Variants in CACHD1 observed in about 807,000 individuals in gnomAD.
CACHD1 encodes the protein VWFA and cache domain-containing protein 1.
A neutral mutation model predicts 138.7 loss-of-function variants in CACHD1; 71 were observed. The observed-to-expected ratio is 0.51, with a 90% confidence interval of 0.42 to 0.62. The LOEUF (loss-of-function observed/expected upper bound fraction) is 0.62. Ranked by LOEUF, CACHD1 falls within the 20% of genes least tolerant of loss-of-function variation. CACHD1 has a pLI of 0.00. For missense variants in CACHD1, 1,389 were observed against 1,625.3 expected, an observed-to-expected ratio of 0.85 and a Z score of 2.50; for synonymous variants, 578 against 591.5, an observed-to-expected ratio of 0.98 and a Z score of 0.33.
chr1:64,661,595 T>C (rs746004501), intron 13 of CACHD1, among the ~76,000 whole-genome samples: 1 of 152,180 alleles, frequency 6.6e-6, no homozygotes, highest in African/African-American at 2.4e-5. Flanking sequence ...TTTCTCTATT[T>C]TCCTTATTCC....
chr1:64,579,858 G>C (rs1162954002), intron 2 of CACHD1: 2 of 153,678 alleles, frequency 1.3e-5, no homozygotes, highest in African/African-American at 4.8e-5. Context: ...TTTAACATCT[G>C]GCTATCTCAC....
At chr1:64,657,294 A>G (rs1225935472) in intron 12 of CACHD1, among the ~76,000 whole-genome samples, 2 of 152,312 alleles carry the variant, frequency 1.3e-5, no homozygotes, top group East Asian at 3.9e-4. Context: ...TTTTTCAGCT[A>G]AGAACATGAC....
chr1:64,611,092 G>A (rs911275619), intron 4 of CACHD1, among the ~76,000 whole-genome samples: 1 of 152,228 alleles, frequency 6.6e-6, no homozygotes, highest in African/African-American at 2.4e-5. Context: ...TGGAGCTGGA[G>A]TGGCTGGGAC....
chr1:64,566,577 C>G (rs1005747322), intron 2 of CACHD1, among the ~76,000 whole-genome samples: 21 of 144,416 alleles, frequency 1.5e-4, no homozygotes, highest in Non-Finnish European at 9.1e-5. Flanking sequence ...CTAGCAATTC[C>G]TCTTATTTGT....
Position 64,682,079 on chromosome 1 carries a change from G to A in CACHD1, c.3559G>A (p.Gly1187Ser). 1.2e-6 allele frequency: 2 copies of A among 1,614,002 alleles called. No homozygotes were observed. The highest frequency in any genetic ancestry group is 1.7e-6 in the Non-Finnish European group (2 of 1,179,988). Residue 1187 changes from glycine to serine, a missense_variant, in exon 26 of 27, where the codon GGT becomes AGT. By Grantham distance (56) the Gly-to-Ser change is moderately conservative. Transcript: ENST00000651257. ...HSPERRRRYW[G>S]RSGTESDHGY... ...TCCAGAAAGAAGGCGCCGCTACTGG[G>A]GTCGATCAGGAACAGAAAGTGATCA...
At chr1:64,563,265 A>G (rs994523777) in intron 2 of CACHD1, among the ~76,000 whole-genome samples, 10 of 150,344 alleles carry the variant, frequency 6.7e-5, no homozygotes, top group African/African-American at 2.4e-4. Context: ...TTGATGTTTT[A>G]TTTCTCCAAA....
intron 7 of CACHD1, among the ~76,000 whole-genome samples, chr1:64,637,310 G>A (rs1329221406): frequency 6.6e-6 from 1 of 152,214 alleles, no homozygotes; most frequent in South Asian, 2.1e-4. Flanking sequence ...GGATGAGTTG[G>A]AGAACATGGT....
At chr1:64,591,144 T>C (rs1223163201) in intron 3 of CACHD1, among the ~76,000 whole-genome samples, 1 of 152,196 alleles carries the variant, frequency 6.6e-6, no homozygotes, top group East Asian at 1.9e-4. Context: ...GAGAGTGACC[T>C]TATGGGGGGA....
intron 2 of CACHD1, among the ~76,000 whole-genome samples, chr1:64,570,866 G>T (rs71645595): frequency 0.074 from 11,194 of 151,784 alleles, 552 homozygotes; most frequent in Admixed American, 0.15. Flanking sequence ...GTTGTGGGGG[G>T]CGGGCGGGGG....
chr1:64,616,351 T>C (rs1264003020), intron 4 of CACHD1, among the ~76,000 whole-genome samples: 1 of 151,672 alleles, frequency 6.6e-6, no homozygotes, highest in Admixed American at 6.6e-5. Context: ...AGTGTATTGG[T>C]GAGAGGGGAG....
chr1:64,522,739 T>C (rs1174505758), intron 1 of CACHD1, among the ~76,000 whole-genome samples: 1 of 152,208 alleles, frequency 6.6e-6, no homozygotes, highest in African/African-American at 2.4e-5. Flanking sequence ...AAAAAAGTCC[T>C]TGAGGCATAG....
At chr1:64,558,390 A>G (rs529047387) in intron 2 of CACHD1, among the ~76,000 whole-genome samples, 16 of 152,174 alleles carry the variant, frequency 1.1e-4, no homozygotes, top group Non-Finnish European at 1.9e-4. Context: ...CACCTTCTCA[A>G]TGAGGTGAGC....
intron 4 of CACHD1, among the ~76,000 whole-genome samples, chr1:64,620,885 T>C (rs1557523070): frequency 6.6e-6 from 1 of 152,200 alleles, no homozygotes; most frequent in Non-Finnish European, 1.5e-5. Context: ...CAGAAACTAT[T>C]AAGATCTTGT....
intron 3 of CACHD1, among the ~76,000 whole-genome samples, chr1:64,597,536 T>G (rs1160576293): frequency 1.1e-4 from 17 of 148,050 alleles, no homozygotes; most frequent in African/African-American, 1.5e-4. Context: ...TTTTTTTTTT[T>G]TTTTTTTTTT....
intron 3 of CACHD1, among the ~76,000 whole-genome samples, chr1:64,601,386 T>C (rs1229658094): frequency 6.6e-6 from 1 of 152,232 alleles, no homozygotes; most frequent in Admixed American, 6.5e-5. Context: ...CTGTGGCTTC[T>C]GAGGCAGCAG....
At chr1:64,586,915 G>A (rs764561552) in intron 3 of CACHD1, among the ~76,000 whole-genome samples, 7 of 152,168 alleles carry the variant, frequency 4.6e-5, no homozygotes, top group Non-Finnish European at 8.8e-5. Flanking sequence ...CAAACTGTAA[G>A]ATATTGTAGT....
chr1:64,536,467 C>T (rs188109993), intron 1 of CACHD1, among the ~76,000 whole-genome samples: 34 of 152,240 alleles, frequency 2.2e-4, no homozygotes, highest in African/African-American at 5.3e-4. Context: ...TTTCCCTTTC[C>T]GTTCCAACTG....
rs192341252 is a variant in CACHD1, at chr1:64,535,978, C to T, written c.199-14616C>T. ...TGAGCCCCTACATTGTGCTCCCCAT[C>T]GTATTCCTCACGTAGGTAATAACTA... On this transcript the variant is annotated intron_variant, in intron 1 of 26. Transcript: ENST00000651257. 5.9e-5 allele frequency among the ~76,000 whole-genome samples: 9 copies of T among 152,276 alleles called. No individual in the cohort carries two copies. In the South Asian group the frequency reaches 6.2e-4, roughly 11 times the overall value.
At chr1:64,525,923 A>G (rs1292213481) in intron 1 of CACHD1, among the ~76,000 whole-genome samples, 1 of 152,216 alleles carries the variant, frequency 6.6e-6, no homozygotes, top group Non-Finnish European at 1.5e-5. Flanking sequence ...TGCTTACTTT[A>G]AAAATTATTA....
Sources: gnomAD v4.1 joint callset for allele counts (sites outside exome capture counted in the v4.1 genomes callset) on GRCh38, gnomAD v4.1.1 for gene constraint, MANE v1.5 for transcripts, NCBI Gene and HGNC (gene_info 2026-07-23, HGNC 2026-07-21) for gene names.